The following CLMN variants were observed in gnomAD, a reference collection of about 807,000 sequenced individuals.
CLMN encodes calmin, also known as calmin (calponin-like, transmembrane).
A neutral mutation model predicts 92.7 loss-of-function variants in CLMN; 57 were observed. The observed-to-expected ratio is 0.61, with a 90% CI of 0.50 to 0.77. The LOEUF (loss-of-function observed/expected upper bound fraction) is 0.77. CLMN is among the 30% of genes least tolerant of loss of function. The pLI is 0.00. For synonymous variants in CLMN, 466 were observed against 470.6 expected (o/e 0.99, Z 0.13); for missense variants, 1,158 against 1,237.5 (o/e 0.94, Z 0.96).
intron 4 of CLMN, among the ~76,000 whole-genome samples, chr14:95,221,214 C>G (rs1301835377): frequency 6.6e-6 from 1 of 152,120 alleles, no homozygotes; most frequent in African/African-American, 2.4e-5. Context: ...GTTCCAGGCA[C>G]AGAAAAAGAT....
rs1731645179 is a variant in CLMN, at chr14:95,194,823, A to G, written c.2709-227T>C. On this transcript the variant is annotated intron_variant, in intron 10 of 12. Coordinates refer to ENST00000298912, the MANE Select transcript of CLMN (RefSeq NM_024734.4). This position sits in a 1 kb window ranked among gnomAD's most constrained non-coding sequence, Gnocchi z 4.0. ...TACACACATTGGGCCCTCATCTACA[A>G]GAAAAATCAAAGTCAGGATTTTAAA... Among the ~76,000 whole-genome samples the G allele has an allele frequency of 6.6e-6, 1 of 152,262 alleles. No homozygotes were observed. The highest frequency in any genetic ancestry group is 2.1e-4 in the South Asian group (1 of 4,836).
chr14:95,203,822 A>G lies in CLMN; in HGVS notation c.1527T>C (p.Asn509=). Residue 509 remains asparagine, a synonymous_variant, in exon 9 of 13, where the codon AAT becomes AAC. Coordinates refer to ENST00000298912, the MANE Select transcript of CLMN (RefSeq NM_024734.4). ...TNNNSQSSSC[N]GALESTARHD... ...GGCGGGCTGTACTCTCTAAAGCACC[A>G]TTACAGGAAGAAGACTGAGAATTAT... 6.2e-7 allele frequency: 1 copy of G among 1,614,188 alleles called. No homozygotes were observed. Among genetic ancestry groups the G allele is most frequent in the South Asian group, 1.1e-5 (1 of 91,078 alleles).
At chr14:95,277,731 A>G (rs1057173887) in intron 1 of CLMN, among the ~76,000 whole-genome samples, 4 of 152,120 alleles carry the variant, frequency 2.6e-5, no homozygotes, top group Admixed American at 2.6e-4. Context: ...AGGTTCAAGC[A>G]ATTCTCCTGT....
In CLMN at chr14:95,187,845, C is replaced by T. The variant is rs1271679096; in HGVS notation, c.*3719G>A. The T allele has an allele frequency of 6.6e-6, 1 of 152,206 alleles. No homozygotes were observed. Among genetic ancestry groups the T allele is most frequent in the African/African-American group, 2.4e-5 (1 of 41,436 alleles). 9.4% of individuals were successfully genotyped at this position (152,206 alleles called of 1,614,324 possible). A position where few individuals can be genotyped will look rare whatever the true frequency, so the allele number is the denominator to read the frequency against. On this transcript the variant is annotated 3_prime_UTR_variant, in exon 13 of 13. Coordinates refer to ENST00000298912, the MANE Select transcript of CLMN (RefSeq NM_024734.4). Reference sequence around the variant, plus strand: ...CTTTTCATTGTTCCTCGAGCATTGTCCAAGCTCAGAGCTGGGTATGTCTGG... The same window carrying T: ...CTTTTCATTGTTCCTCGAGCATTGTTCAAGCTCAGAGCTGGGTATGTCTGG...
chr14:95,312,939 C>T lies in CLMN; in HGVS notation c.82+6772G>A, dbSNP rs530474619. 8.5e-5 allele frequency among the ~76,000 whole-genome samples: 13 copies of T among 152,326 alleles called. No individual in the cohort carries two copies. In the South Asian group the frequency reaches 2.7e-3, roughly 32 times the overall value. ...ACACATACACGGCCAGGTGCAGTGG[C>T]TCACACCTGTAATCCCAGTACTTTG... On this transcript the variant is annotated intron_variant, in intron 1 of 12. Transcript: ENST00000298912.
chr14:95,205,384 A>G lies in CLMN; in HGVS notation c.886-921T>C, dbSNP rs140396013. ...ATAGACCCATATAGGACCCGGAGTT[A>G]GAATTCACAAGCAAAGGCTCTAGAA... On this transcript the variant is annotated intron_variant, in intron 8 of 12. Transcript: ENST00000298912. Among the ~76,000 whole-genome samples, 1,285 of 152,350 alleles carry G rather than the reference A, an allele frequency of 8.4e-3. 34 individuals are homozygous for G. The highest frequency in any genetic ancestry group is 0.024 in the Middle Eastern group (7 of 294).
At chr14:95,311,188 A>AT (rs1901521238) in intron 1 of CLMN, among the ~76,000 whole-genome samples, 1 of 152,110 alleles carries the variant, frequency 6.6e-6, no homozygotes, top group African/African-American at 2.4e-5. Flanking sequence ...CCACCACCAG[A>AT]TTGGCAGGTC....
At position 95,191,615 on chromosome 14, in the gene CLMN, G is replaced by A. The variant is rs766162104; in HGVS notation, c.2958C>T (p.Leu986=). ...DMMYFILFLW[L]LVYCLLLFPQ... is the part of the protein sequence containing the mutation. ...GGAAGAGCAGCAAGCAGTACACCAG[G>A]AGCCACAGGAAGAGAATAAAATACA... The change falls in exon 13 of 13, where the codon CTC becomes CTT. Residue 986 remains leucine, a synonymous_variant. Coordinates refer to ENST00000298912, the MANE Select transcript of CLMN (RefSeq NM_024734.4). This position sits in a 1 kb window ranked among gnomAD's most constrained non-coding sequence, Gnocchi z 5.3. 1.2e-6 allele frequency: 2 copies of A among 1,613,598 alleles called. No homozygotes were observed. Among genetic ancestry groups the A allele is most frequent in the African/African-American group, 2.7e-5 (2 of 74,898 alleles).
intron 1 of CLMN, among the ~76,000 whole-genome samples, chr14:95,258,541 G>A (rs1443217524): frequency 6.8e-6 from 1 of 147,872 alleles, no homozygotes; most frequent in Non-Finnish European, 1.5e-5. Flanking sequence ...CGGAGGATGT[G>A]TTTGTATGTG....
rs1272157214 is a variant in CLMN at position 95,202,981 on chromosome 14, G to A, written c.2368C>T (p.Leu790Phe). Residue 790 changes from leucine to phenylalanine, a missense_variant, in exon 9 of 13, where the codon CTC becomes TTC. Coordinates refer to ENST00000298912, the MANE Select transcript of CLMN (RefSeq NM_024734.4). ...SSSSSVPGES[L>F]PSASDQVLYL... is the part of the protein sequence containing the mutation. The stretch of plus-strand genomic sequence containing the variant: ...AGCACCTGGTCGCTGGCACTGGGGA[G>A]GCTCTCTCCTGGCACCGAGGAACTG... The A allele has an allele frequency of 6.2e-6, 10 of 1,614,138 alleles. No homozygotes were observed. The highest frequency in any genetic ancestry group is 2.2e-5 in the East Asian group (1 of 44,870).
chr14:95,319,336 CACACAG>C (rs1438690848), intron 1 of CLMN, among the ~76,000 whole-genome samples: 25 of 141,072 alleles, frequency 1.8e-4, no homozygotes, highest in African/African-American at 6.2e-4. Context: ...CACACACACA[CACACAG>C]AGTCGCACTG....
chr14:95,241,778 C>T (rs1898250305), intron 1 of CLMN, among the ~76,000 whole-genome samples: 3 of 152,170 alleles, frequency 2.0e-5, no homozygotes, highest in Admixed American at 2.0e-4. Flanking sequence ...TGAAAACAAA[C>T]AAAAGTTATC....
chr14:95,208,204 C>T (rs1595568568), intron 8 of CLMN, among the ~76,000 whole-genome samples: 2 of 152,250 alleles, frequency 1.3e-5, no homozygotes, highest in East Asian at 1.9e-4. Flanking sequence ...TAACTGTTTC[C>T]GTTACTAGAA....
intron 1 of CLMN, among the ~76,000 whole-genome samples, chr14:95,250,530 G>C (rs1021824979): frequency 6.6e-6 from 1 of 152,218 alleles, no homozygotes; most frequent in Non-Finnish European, 1.5e-5. Flanking sequence ...ACAAATAACA[G>C]GCAACAGGCT....
At chr14:95,284,808 A>G (rs980672441) in intron 1 of CLMN, among the ~76,000 whole-genome samples, 18 of 152,182 alleles carry the variant, frequency 1.2e-4, no homozygotes, top group African/African-American at 4.3e-4. Context: ...GCCTTGTCTC[A>G]GATAAGACTT....
Position 95,278,163 on chromosome 14 carries a change from G to GATGA in CLMN, c.82+41547_82+41548insTCAT, listed in dbSNP as rs550294832. On this transcript the variant is annotated intron_variant, in intron 1 of 12. Coordinates refer to ENST00000298912, the MANE Select transcript of CLMN (RefSeq NM_024734.4). ...AAGTACCTCATACACCCATAGTTAA[G>GATGA]TCATAACCTTAGTTAAGGAATATTG... is the stretch of plus-strand genomic sequence containing the variant. Among the ~76,000 whole-genome samples the GATGA allele has an allele frequency of 9.1e-3, 1,391 of 152,244 alleles. 5 individuals carry two copies. Among genetic ancestry groups the GATGA allele is most frequent in the Non-Finnish European group, 0.013 (917 of 68,030 alleles).
intron 1 of CLMN, among the ~76,000 whole-genome samples, chr14:95,245,857 T>C (rs890783310): frequency 7.1e-6 from 1 of 140,412 alleles, no homozygotes; most frequent in Non-Finnish European, 1.5e-5. Flanking sequence ...GATTGCTGGA[T>C]GGATGGATGC....
intron 1 of CLMN, chr14:95,307,664 G>C (rs979622888): frequency 6.6e-6 from 1 of 152,388 alleles, no homozygotes; most frequent in Admixed American, 6.5e-5. Flanking sequence ...GCTTTGAATC[G>C]GGAGGTAACA....
At chr14:95,253,987 G>T (rs1055446773) in intron 1 of CLMN, among the ~76,000 whole-genome samples, 2 of 152,196 alleles carry the variant, frequency 1.3e-5, no homozygotes, top group Admixed American at 6.5e-5. Flanking sequence ...CTGGGAATCT[G>T]TATGTTTAAT....
Sources: gnomAD v4.1 joint callset for allele counts (sites outside exome capture counted in the v4.1 genomes callset) on GRCh38, gnomAD v4.1.1 for gene constraint, Gnocchi (gnomAD v3.1) non-coding constraint, MANE v1.5 for transcripts, NCBI Gene and HGNC (gene_info 2026-07-23, HGNC 2026-07-21) for gene names.